The following RCOR3 variants were observed in gnomAD, a reference collection of about 807,000 sequenced individuals.
RCOR3 encodes REST corepressor 3.
A neutral mutation model predicts 64.1 loss-of-function variants in RCOR3; 13 were observed. That is an observed-to-expected ratio of 0.20 (90% CI 0.13 to 0.32). RCOR3 has a LOEUF of 0.32. RCOR3 is among the 10% of genes least tolerant of loss of function. The pLI, the probability that RCOR3 is intolerant of heterozygous loss-of-function variation, is 1.00. For synonymous variants in RCOR3, 215 were observed against 239.0 expected (o/e 0.90, Z 0.93); for missense variants, 489 against 701.2 (o/e 0.70, Z 3.42).
chr1:211,316,171 C>A lies in RCOR3; in HGVS notation c.*2403C>A, dbSNP rs1701853132. On this transcript the variant is annotated 3_prime_UTR_variant, in exon 12 of 12. Coordinates refer to ENST00000419091, the MANE Select transcript of RCOR3 (RefSeq NM_001136223.3). ...TTCAGGGTTATCATTTTTGAGAAAT[C>A]TACACCAAAGTGGTTTTTTAAAATT... 1 of 152,068 alleles carries A rather than the reference C, an allele frequency of 6.6e-6. No individual in the cohort carries two copies. The highest frequency in any genetic ancestry group is 1.5e-5 in the Non-Finnish European group (1 of 68,016). 9.4% of individuals were successfully genotyped at this position (152,068 alleles called of 1,614,324 possible). A position where few individuals can be genotyped will look rare whatever the true frequency, so the allele number is the denominator to read the frequency against.
At chr1:211,259,980 G>T in intron 1 of RCOR3, 128 bp from the exon 2 acceptor site, 2 of 1,332,418 alleles carry the variant, frequency 1.5e-6, no homozygotes, top group Non-Finnish European at 1.9e-6. Context: ...GCCCCGAGTT[G>T]ATATCTTCCC....
At chr1:211,280,801 T>G (rs1324501876) in intron 7 of RCOR3, among the ~76,000 whole-genome samples, 1 of 151,958 alleles carries the variant, frequency 6.6e-6, no homozygotes, top group Non-Finnish European at 1.5e-5. Context: ...CTGACCAACA[T>G]GGAGAAACCC....
intron 7 of RCOR3, among the ~76,000 whole-genome samples, chr1:211,283,029 T>C (rs1167749890): frequency 1.3e-5 from 2 of 152,372 alleles, no homozygotes; most frequent in East Asian, 1.9e-4. Context: ...TGCTATATTA[T>C]AGTGTTCCAT....
In RCOR3 at chr1:211,289,248, A is replaced by G; in HGVS notation, c.791A>G (p.His264Arg). The G allele has an allele frequency of 6.2e-7, 1 of 1,614,140 alleles. No individual in the cohort carries two copies. Among genetic ancestry groups the G allele is most frequent in the Non-Finnish European group, 8.5e-7 (1 of 1,180,024 alleles). ...AGAAGAGAGTATCAGAGTTTACAAC[A>G]TCGCCATCATTCTCAGCGTTCTAAG... ...LGRREYQSLQHRHHSQRSKCR... is the reference protein window; with the variant it reads ...LGRREYQSLQRRHHSQRSKCR... Residue 264 changes from histidine to arginine, a missense_variant, in exon 8 of 12, where the codon CAT becomes CGT. By Grantham distance (29) the His-to-Arg change is conservative. Around this residue, in one of 2 missense-constraint regions of RCOR3, gnomAD observed 402 missense variants for 617.0 expected, o/e 0.65. Coordinates refer to ENST00000419091, the MANE Select transcript of RCOR3 (RefSeq NM_001136223.3).
rs1369230726 is a variant in RCOR3 at position 211,278,176 on chromosome 1, C to T, written c.576C>T (p.Arg192=). 1 of 1,611,034 alleles carries T rather than the reference C, an allele frequency of 6.2e-7. No individual in the cohort carries two copies. Among genetic ancestry groups the T allele is most frequent in the Non-Finnish European group, 8.5e-7 (1 of 1,179,208 alleles). Residue 192 remains arginine, a synonymous_variant, in exon 6 of 12, where the codon CGC becomes CGT. Coordinates refer to ENST00000419091, the MANE Select transcript of RCOR3 (RefSeq NM_001136223.3). The part of the protein sequence containing the change: ...VKYYYSWKKT[R]SRTSLMDRQA... The stretch of plus-strand genomic sequence containing the variant: ...ATTACTATTCTTGGAAAAAAACTCG[C>T]TCTAGGACAAGTTTGATGGATCGCC...
At chr1:211,291,988 G>A (rs549322195) in intron 8 of RCOR3, among the ~76,000 whole-genome samples, 174 of 152,266 alleles carry the variant, frequency 1.1e-3, no homozygotes, top group Non-Finnish European at 1.9e-3. Context: ...AAACGTGGTT[G>A]TGTGTATCTG....
chr1:211,294,569 CTTTT>C (rs1391160211), intron 8 of RCOR3, among the ~76,000 whole-genome samples: 2 of 145,550 alleles, frequency 1.4e-5, no homozygotes, highest in African/African-American at 5.0e-5. Flanking sequence ...CACACACTGA[CTTTT>C]CTTTCTTTCT....
intron 9 of RCOR3, chr1:211,301,936 T>C (rs1336200449): frequency 6.6e-6 from 1 of 152,224 alleles, no homozygotes; most frequent in Non-Finnish European, 1.5e-5. Context: ...TTAGGCAGTG[T>C]GCCAGATGCC....
chr1:211,294,380 G>A (rs142740943), intron 8 of RCOR3, among the ~76,000 whole-genome samples: 1 of 151,790 alleles, frequency 6.6e-6, no homozygotes, highest in Non-Finnish European at 1.5e-5. Context: ...TTTTTTCAAG[G>A]TAAAGTACTG....
rs369786604 is a variant in RCOR3, at chr1:211,313,025, T to C, written c.1317+64T>C. ...GGAATCACCATTTTGTGTGGTATTC[T>C]GTAAGGTTAATTTGTCAAGAGGACT... On this transcript the variant is annotated intron_variant, in intron 11 of 11. Transcript: ENST00000419091. The surrounding 1 kb of genome is among the most constrained non-coding windows in gnomAD (Gnocchi z 4.7). 8.1e-6 allele frequency: 13 copies of C among 1,607,926 alleles called. No homozygotes were observed. The African/African-American group carries it at 1.2e-4, about 15-fold the overall frequency.
chr1:211,260,710 G>A (rs1694101512), intron 2 of RCOR3, among the ~76,000 whole-genome samples: 1 of 151,604 alleles, frequency 6.6e-6, no homozygotes, highest in African/African-American at 2.4e-5. Context: ...GGTCGCGGCA[G>A]CTCTGCGGAG....
Position 211,295,709 on chromosome 1 carries a change from A to C in RCOR3, c.973A>C (p.Lys325Gln). ...QNAKQVNSAL[K>Q]QKMEGGIEEF... Reference sequence around the variant, plus strand: ...TGCTAAGCAAGTAAACAGTGCACTTAAACAGAAAATGGAAGGTGGAATTGA... The same window carrying C: ...TGCTAAGCAAGTAAACAGTGCACTTCAACAGAAAATGGAAGGTGGAATTGA... Residue 325 changes from lysine to glutamine, a missense_variant, in exon 9 of 12, where the codon AAA becomes CAA. By Grantham distance (53) the Lys-to-Gln change is moderately conservative (BLOSUM62 1). Transcript: ENST00000419091. 1 of 1,613,730 alleles carries C rather than the reference A, an allele frequency of 6.2e-7. No homozygotes were observed. Among genetic ancestry groups the C allele is most frequent in the Non-Finnish European group, 8.5e-7 (1 of 1,179,798 alleles).
intron 1 of RCOR3, 76 bp downstream of exon 1, chr1:211,259,802 C>G (rs1693862731): frequency 7.8e-7 from 1 of 1,276,596 alleles, no homozygotes; most frequent in Non-Finnish European, 1.0e-6. Flanking sequence ...CCTCCCCTCG[C>G]CGCTCTCCCG....
intron 8 of RCOR3, 107 bp from the exon 9 acceptor site, chr1:211,295,569 A>T: frequency 1.1e-6 from 1 of 889,060 alleles, no homozygotes; most frequent in Non-Finnish European, 1.8e-6. Context: ...ATTCTCCTAA[A>T]ATAAAATTTA....
At chr1:211,299,865 T>G (rs79103228) in intron 9 of RCOR3, among the ~76,000 whole-genome samples, 4,226 of 152,178 alleles carry the variant, frequency 0.028, 208 homozygotes, top group African/African-American at 0.095. Context: ...CCTAGATATA[T>G]TCTAGTTCTT....
chr1:211,279,420 G>T (rs1697465289), intron 7 of RCOR3, 104 bp downstream of exon 7: 1 of 753,002 alleles, frequency 1.3e-6, no homozygotes, highest in Non-Finnish European at 2.2e-6. Context: ...AATGCTTTAT[G>T]AGATAGTAAA....
Position 211,313,113 on chromosome 1 carries a change from T to G in RCOR3, c.1317+152T>G. On this transcript the variant is annotated intron_variant, in intron 11 of 11. Transcript: ENST00000419091. The surrounding 1 kb of genome is among the most constrained non-coding windows in gnomAD (Gnocchi z 4.7). ...TCAGTGGTGCATCTCTCGTGACTCTTAAGTCATAATGACATGCTAAGTTCT... is the reference window on the plus strand; with the variant it reads ...TCAGTGGTGCATCTCTCGTGACTCTGAAGTCATAATGACATGCTAAGTTCT... 6.6e-7 allele frequency: 1 copy of G among 1,514,554 alleles called. No individual in the cohort carries two copies. The highest frequency in any genetic ancestry group is 8.8e-7 in the Non-Finnish European group (1 of 1,139,386). The allele number at this position is 1,514,554 out of a possible 1,614,324, so 93.8% of individuals were successfully genotyped here.
chr1:211,274,317 G>T (rs1696652175), intron 4 of RCOR3, 55 bp downstream of exon 4: 1 of 1,230,488 alleles, frequency 8.1e-7, no homozygotes, highest in Non-Finnish European at 1.2e-6. Flanking sequence ...ACCAAATCTA[G>T]ATTATCTCAT....
At chr1:211,268,918 A>C (rs1695695670) in intron 2 of RCOR3, among the ~76,000 whole-genome samples, 1 of 152,160 alleles carries the variant, frequency 6.6e-6, no homozygotes, top group Admixed American at 6.5e-5. Context: ...TTTAACTAAA[A>C]TTTGTTGATC....
Sources: allele counts gnomAD v4.1 joint callset (sites outside exome capture counted in the v4.1 genomes callset), GRCh38; gene constraint gnomAD v4.1.1; regional missense constraint gnomAD v4.1.1; non-coding constraint Gnocchi (gnomAD v3.1); transcripts MANE v1.5; gene names NCBI Gene and HGNC (gene_info 2026-07-23, HGNC 2026-07-21).